Variants in CDX1 observed in about 807,000 individuals in gnomAD.
CDX1 encodes the protein homeobox protein CDX-1.
A neutral mutation model predicts 16.9 loss-of-function variants in CDX1; 9 were observed. The ratio of observed to expected loss-of-function variants is 0.53; its 90% confidence interval spans 0.32 to 0.93. The LOEUF is 0.93. Ranked by LOEUF, CDX1 falls within the 40% of genes least tolerant of loss-of-function variation. The pLI is 0.04. For synonymous variants in CDX1, 179 were observed against 179.0 expected, an observed-to-expected ratio of 1.00 and a Z score of 0.00; for missense variants, 393 against 386.1, an observed-to-expected ratio of 1.02 and a Z score of -0.15.
At chr5:150,177,541 G>A (rs1162049160) in intron 1 of CDX1, among the ~76,000 whole-genome samples, 1 of 152,192 alleles carries the variant, frequency 6.6e-6, no homozygotes, top group Non-Finnish European at 1.5e-5. Context: ...TGCTGTTTCT[G>A]AGGCCAGATA....
At chr5:150,178,077 C>T (rs1326036512) in intron 1 of CDX1, among the ~76,000 whole-genome samples, 2 of 152,214 alleles carry the variant, frequency 1.3e-5, no homozygotes, top group Non-Finnish European at 2.9e-5. Context: ...CATTCTAGCG[C>T]CACTAAATTT....
chr5:150,179,690 A>G (rs1761615618), intron 1 of CDX1, among the ~76,000 whole-genome samples: 1 of 152,092 alleles, frequency 6.6e-6, no homozygotes, highest in Non-Finnish European at 1.5e-5. Context: ...CTCATGCCCT[A>G]CCTCAGGCCT....
At chr5:150,178,977 T>A (rs974263535) in intron 1 of CDX1, among the ~76,000 whole-genome samples, 1 of 152,166 alleles carries the variant, frequency 6.6e-6, no homozygotes, top group African/African-American at 2.4e-5. Context: ...AGCTCCCTGC[T>A]TGTACACGTG....
At chr5:150,168,194 G>T (rs946713239) in intron 1 of CDX1, among the ~76,000 whole-genome samples, 9 of 152,224 alleles carry the variant, frequency 5.9e-5, no homozygotes, top group African/African-American at 2.2e-4. Flanking sequence ...CCTGACAAAG[G>T]CCACCTAGCC....
At position 150,183,923 on chromosome 5, in the gene CDX1, A is replaced by C; in HGVS notation, c.*243A>C. On this transcript the variant is annotated 3_prime_UTR_variant, in exon 3 of 3. Transcript: ENST00000231656. ...AGGGAGTCCAGGGTGGATGATCTCA[A>C]TCTCCCGTGGGCATCTCAAGCCCCA... The C allele has an allele frequency of 1.9e-4, 66 of 343,602 alleles. No homozygotes were observed. Among genetic ancestry groups the C allele is most frequent in the Middle Eastern group, 1.5e-3 (2 of 1,324 alleles). The allele number at this position is 343,602 out of a possible 1,614,324, so 21.3% of individuals were successfully genotyped here.
At chr5:150,167,426 G>A (rs1464279625) in intron 1 of CDX1, 105 bp downstream of exon 1, 1 of 763,980 alleles carries the variant, frequency 1.3e-6, no homozygotes, top group Non-Finnish European at 1.8e-6. Flanking sequence ...CGGGTTCCCG[G>A]GAGTGTGGCC....
chr5:150,170,792 A>T (rs1761495407), intron 1 of CDX1, among the ~76,000 whole-genome samples: 1 of 152,206 alleles, frequency 6.6e-6, no homozygotes, highest in South Asian at 2.1e-4. Context: ...AAAAGACAAT[A>T]TTAATCAGTT....
Position 150,182,916 on chromosome 5 carries a change from G to T in CDX1, c.591+3G>T. 2 of 1,603,664 alleles carry T rather than the reference G, an allele frequency of 1.2e-6. No homozygotes were observed. Among genetic ancestry groups the T allele is most frequent in the Non-Finnish European group, 1.7e-6 (2 of 1,175,144 alleles). On this transcript the variant is annotated splice_donor_region_variant and intron_variant, in intron 2 of 2. Coordinates refer to ENST00000231656, the MANE Select transcript of CDX1 (RefSeq NM_001804.3). ...ATCTGGGGCTCACTGAACGGCAGGT[G>T]TGTCTGTCTTCCTATCTCAGCCATA...
intron 1 of CDX1, among the ~76,000 whole-genome samples, chr5:150,172,314 A>C (rs1282569039): frequency 1.3e-5 from 2 of 152,198 alleles, no homozygotes; most frequent in Non-Finnish European, 2.9e-5. Context: ...TGATAAAGCA[A>C]ATAACTGTGG....
intron 1 of CDX1, among the ~76,000 whole-genome samples, chr5:150,177,728 A>C (rs975366748): frequency 6.6e-5 from 10 of 152,140 alleles, no homozygotes; most frequent in African/African-American, 2.4e-4. Flanking sequence ...CCATTTTACA[A>C]ATACAGAAAA....
chr5:150,182,876 C>G lies in CDX1; in HGVS notation c.554C>G (p.Ser185Ter). The G allele has an allele frequency of 6.2e-7, 1 of 1,612,708 alleles. No homozygotes were observed. Among genetic ancestry groups the G allele is most frequent in the East Asian group, 2.2e-5 (1 of 44,828 alleles). Residue 185 changes from serine (S) to a stop codon, truncating the protein, a stop_gained, in exon 2 of 3, where the codon TCA becomes TGA. Transcript: ENST00000231656. LOFTEE classifies it low-confidence loss of function (END_TRUNC). ...YSRYITIRRK[S>*]ELAANLGLTE... is the part of the protein sequence containing the mutation. ...CGTTACATCACAATCCGGCGGAAAT[C>G]AGAGCTGGCTGCCAATCTGGGGCTC... is the stretch of plus-strand genomic sequence containing the variant.
intron 1 of CDX1, among the ~76,000 whole-genome samples, chr5:150,174,393 C>T (rs1432790549): frequency 2.0e-5 from 3 of 152,216 alleles, no homozygotes; most frequent in Non-Finnish European, 4.4e-5. Flanking sequence ...TCAGGGTGCC[C>T]CTGTGGAAAA....
At chr5:150,179,194 G>A (rs1332718261) in intron 1 of CDX1, among the ~76,000 whole-genome samples, 3 of 152,190 alleles carry the variant, frequency 2.0e-5, no homozygotes, top group Admixed American at 1.3e-4. Flanking sequence ...TGAGCCACAC[G>A]GTGTGATAGC....
Position 150,182,748 on chromosome 5 carries a change from C to G in CDX1, c.446-20C>G. 6.5e-7 allele frequency: 1 copy of G among 1,540,256 alleles called. No homozygotes were observed. Among genetic ancestry groups the G allele is most frequent in the Non-Finnish European group, 8.7e-7 (1 of 1,145,260 alleles). ...CCTCCTCTCAACTCACCTTCCTTCC[C>G]GGCTCCTTCTGCTTCTCAGGTAAGA... On this transcript the variant is annotated intron_variant, in intron 1 of 2. Coordinates refer to ENST00000231656, the MANE Select transcript of CDX1 (RefSeq NM_001804.3).
intron 1 of CDX1, among the ~76,000 whole-genome samples, chr5:150,180,073 C>T (rs1761622192): frequency 6.6e-6 from 1 of 152,250 alleles, no homozygotes; most frequent in African/African-American, 2.4e-5. Flanking sequence ...TTGTGAACCC[C>T]GATCTCTTCC....
chr5:150,168,266 G>A (rs1761460325), intron 1 of CDX1, among the ~76,000 whole-genome samples: 1 of 152,188 alleles, frequency 6.6e-6, no homozygotes, highest in Non-Finnish European at 1.5e-5. Flanking sequence ...CCTTACCCCA[G>A]CTGCGAATAA....
chr5:150,167,022 C>G lies in CDX1; in HGVS notation c.146C>G (p.Ser49Cys). ...PPQYPDFSSY[S>C]HVEPAPAPPT... ...CAGTACCCCGACTTCTCCAGCTACT[C>G]TCACGTGGAGCCGGCCCCCGCGCCC... The change falls in exon 1 of 3, where the codon TCT becomes TGT. Residue 49 changes from serine to cysteine, a missense_variant. By Grantham distance (112) the Ser-to-Cys change is moderately radical (BLOSUM62 -1). Coordinates refer to ENST00000231656, the MANE Select transcript of CDX1 (RefSeq NM_001804.3). The G allele has an allele frequency of 4.2e-6, 6 of 1,438,238 alleles. No individual in the cohort carries two copies. In the South Asian group the frequency reaches 5.6e-5, roughly 13 times the overall value. 89.1% of individuals were successfully genotyped at this position (1,438,238 alleles called of 1,614,324 possible).
At chr5:150,179,809 G>A (rs1047027193) in intron 1 of CDX1, among the ~76,000 whole-genome samples, 3 of 152,238 alleles carry the variant, frequency 2.0e-5, no homozygotes, top group Non-Finnish European at 2.9e-5. Context: ...CCCAGAAGTA[G>A]CAATGGAGGG....
intron 1 of CDX1, among the ~76,000 whole-genome samples, chr5:150,173,054 G>A (rs975287195): frequency 6.6e-6 from 1 of 152,140 alleles, no homozygotes; most frequent in Non-Finnish European, 1.5e-5. Flanking sequence ...CAGGCTTGTG[G>A]GGGCACCCCA....
Sources: gnomAD v4.1 joint callset for allele counts (sites outside exome capture counted in the v4.1 genomes callset) on GRCh38, gnomAD v4.1.1 for gene constraint, MANE v1.5 for transcripts, NCBI Gene and HGNC (gene_info 2026-07-23, HGNC 2026-07-21) for gene names.